Variants in MYLIP observed in about 807,000 individuals in gnomAD.
MYLIP encodes E3 ubiquitin-protein ligase MYLIP.
MYLIP carries 26 observed loss-of-function variants against 45.8 expected under a neutral mutation model. That is an observed-to-expected ratio of 0.57 (90% CI 0.42 to 0.79). The LOEUF is 0.79. MYLIP is among the 30% of genes least tolerant of loss of function. The pLI, the probability that MYLIP is intolerant of heterozygous loss-of-function variation, is 0.00. For synonymous variants in MYLIP, 213 were observed against 218.1 expected (o/e 0.98, Z 0.21); for missense variants, 494 against 555.6 (o/e 0.89, Z 1.11).
chr6:16,135,755 CTA>C (rs10593630), intron 2 of MYLIP, among the ~76,000 whole-genome samples: 17,699 of 125,130 alleles, frequency 0.14, 1,307 homozygotes, highest in Middle Eastern at 0.24. Flanking sequence ...ATACATATAT[CTA>C]TATATATATA....
intron 2 of MYLIP, among the ~76,000 whole-genome samples, chr6:16,130,958 C>T (rs907794915): frequency 2.8e-5 from 4 of 142,744 alleles, no homozygotes; most frequent in Non-Finnish European, 4.5e-5. Context: ...TTTAGTTTTT[C>T]TTGTCTTTAT....
At position 16,148,018 on chromosome 6, in the gene MYLIP, A is replaced by G. The variant is rs1181131435; in HGVS notation, c.*1267A>G. 1.3e-5 allele frequency: 2 copies of G among 152,724 alleles called. No individual in the cohort carries two copies. The highest frequency in any genetic ancestry group is 1.5e-5 in the Non-Finnish European group (1 of 68,020). The allele number at this position is 152,724 out of a possible 1,614,324, so 9.5% of individuals were successfully genotyped here. On this transcript the variant is annotated 3_prime_UTR_variant, in exon 7 of 7. Coordinates refer to ENST00000356840, the MANE Select transcript of MYLIP (RefSeq NM_013262.4). ...ACTGAGATTTCTGAGTATACTTTTCATATTGCCTTAATGTAGCAGTAATGT... is the reference window on the plus strand; with the variant it reads ...ACTGAGATTTCTGAGTATACTTTTCGTATTGCCTTAATGTAGCAGTAATGT...
chr6:16,134,863 G>A (rs372779504), intron 2 of MYLIP, among the ~76,000 whole-genome samples: 1 of 152,164 alleles, frequency 6.6e-6, no homozygotes, highest in Non-Finnish European at 1.5e-5. Context: ...GCCAAGGAAC[G>A]CCTGTCTGGG....
chr6:16,135,700 T>A (rs975791334), intron 2 of MYLIP, among the ~76,000 whole-genome samples: 1 of 149,308 alleles, frequency 6.7e-6, no homozygotes, highest in African/African-American at 2.5e-5. Flanking sequence ...GGAGATTTTT[T>A]ACAGGGAACA....
chr6:16,154,597 G>C, the MYLIP span, among the ~76,000 whole-genome samples: 1 of 152,144 alleles, frequency 6.6e-6, no homozygotes, highest in African/African-American at 2.4e-5. Flanking sequence ...CACATGGCCC[G>C]GGATGCTCCA....
At chr6:16,154,799 C>T in the MYLIP span, among the ~76,000 whole-genome samples, 2 of 152,154 alleles carry the variant, frequency 1.3e-5, no homozygotes, top group Admixed American at 6.5e-5. Flanking sequence ...TCTTAGGCTT[C>T]CCCCTTTGCA....
In MYLIP at chr6:16,129,996, A is replaced by AGT. The variant is rs1759424810; in HGVS notation, c.88-559_88-558dup. 6.6e-6 allele frequency among the ~76,000 whole-genome samples: 1 copy of AGT among 152,208 alleles called. No homozygotes were observed. Among genetic ancestry groups the AGT allele is most frequent in the Non-Finnish European group, 1.5e-5 (1 of 68,028 alleles). On this transcript the variant is annotated intron_variant, in intron 1 of 6. Coordinates refer to ENST00000356840, the MANE Select transcript of MYLIP (RefSeq NM_013262.4). The surrounding 1 kb of genome is among the most constrained non-coding windows in gnomAD (Gnocchi z 5.1). Reference sequence around the variant, plus strand: ...GTTTTTAAGCATGTGTTTCCTTAACAGTGAGGGAGATCGGTGCCAAATAGT... The same window carrying AGT: ...GTTTTTAAGCATGTGTTTCCTTAACAGTGTGAGGGAGATCGGTGCCAAATAGT...
Position 16,129,367 on chromosome 6 carries a change from G to T in MYLIP, c.45G>T (p.Val15=), listed in dbSNP as rs1351924367. Residue 15 remains valine, a synonymous_variant, in exon 1 of 7, where the codon GTG becomes GTT. Coordinates refer to ENST00000356840, the MANE Select transcript of MYLIP (RefSeq NM_013262.4). The surrounding 1 kb of genome is among the most constrained non-coding windows in gnomAD (Gnocchi z 5.1). ...VTRPDAVLME[V]EVEAKANGED... ...GGCCGGACGCGGTGCTGATGGAGGT[G>T]GAGGTGGAGGCGAAAGCCAACGGCG... 1 of 1,594,596 alleles carries T rather than the reference G, an allele frequency of 6.3e-7. No individual in the cohort carries two copies. Among genetic ancestry groups the T allele is most frequent in the Non-Finnish European group, 8.5e-7 (1 of 1,170,938 alleles).
rs768580884 is a variant in MYLIP, at chr6:16,129,386, A to G, written c.64A>G (p.Asn22Asp). Residue 22 changes from asparagine (N) to aspartate (D), a missense_variant, in exon 1 of 7, where the codon AAC becomes GAC. Coordinates refer to ENST00000356840, the MANE Select transcript of MYLIP (RefSeq NM_013262.4). The surrounding 1 kb of genome is among the most constrained non-coding windows in gnomAD (Gnocchi z 5.1). ...GGAGGTGGAGGTGGAGGCGAAAGCC[A>G]ACGGCGAGGACTGCCTCAACCAGGT... ...LMEVEVEAKA[N>D]GEDCLNQVCR... The G allele has an allele frequency of 1.3e-6, 2 of 1,592,744 alleles. No homozygotes were observed. The highest frequency in any genetic ancestry group is 1.7e-6 in the Non-Finnish European group (2 of 1,169,948).
chr6:16,157,405 TA>T, the MYLIP span, among the ~76,000 whole-genome samples: 2 of 152,276 alleles, frequency 1.3e-5, no homozygotes, highest in African/African-American at 4.8e-5. Context: ...CATTTATCAC[TA>T]TCTGGCTTAC....
chr6:16,136,250 C>G (rs955360967), intron 2 of MYLIP, among the ~76,000 whole-genome samples: 1 of 151,682 alleles, frequency 6.6e-6, no homozygotes, highest in African/African-American at 2.4e-5. Flanking sequence ...CCACCCCCAC[C>G]CACCGCACAC....
chr6:16,129,205 C>T lies in MYLIP; in HGVS notation c.-118C>T. On this transcript the variant is annotated 5_prime_UTR_variant, in exon 1 of 7. Coordinates refer to ENST00000356840, the MANE Select transcript of MYLIP (RefSeq NM_013262.4). This position sits in a 1 kb window ranked among gnomAD's most constrained non-coding sequence, Gnocchi z 5.1. ...GGGCCCCGGACAAGGGTCCGCAGAG[C>T]TGCAGCCTTCGAGGGCCAGCCCTCT... The T allele has an allele frequency of 2.8e-6, 3 of 1,084,144 alleles. No individual in the cohort carries two copies. The highest frequency in any genetic ancestry group is 2.1e-5 in the Admixed American group (1 of 47,348). The allele number at this position is 1,084,144 out of a possible 1,614,324, so 67.2% of individuals were successfully genotyped here.
rs754235257 is a variant in MYLIP, at chr6:16,145,299, C to T, written c.1230C>T (p.Ser410=). 9 of 1,591,656 alleles carry T rather than the reference C, an allele frequency of 5.7e-6. No homozygotes were observed. Among genetic ancestry groups the T allele is most frequent in the Non-Finnish European group, 6.9e-6 (8 of 1,164,486 alleles). Reference sequence around the variant, plus strand: ...GTGGCCACACTGTGTGCTGTGAGAGCTGCGCCGCCCAGCTACAGGTAGGGG... The same window carrying T: ...GTGGCCACACTGTGTGCTGTGAGAGTTGCGCCGCCCAGCTACAGGTAGGGG... The part of the protein sequence containing the change: ...CPCGHTVCCE[S]CAAQLQSCPV... The change falls in exon 6 of 7, where the codon AGC becomes AGT. Residue 410 remains serine, a synonymous_variant. Coordinates refer to ENST00000356840, the MANE Select transcript of MYLIP (RefSeq NM_013262.4).
Position 16,143,199 on chromosome 6 carries a change from A to C in MYLIP, c.644A>C (p.Asp215Ala). Reference sequence around the variant, plus strand: ...GAAGGAATCTCAATTTGTAAAGATGACTTTAGCCCAATTAATAGGTAAGCC... The same window carrying C: ...GAAGGAATCTCAATTTGTAAAGATGCCTTTAGCCCAATTAATAGGTAAGCC... ...GPEGISICKD[D>A]FSPINRIAYP... is the part of the protein sequence containing the mutation. Residue 215 changes from aspartate to alanine, a missense_variant, in exon 4 of 7, where the codon GAC becomes GCC. Coordinates refer to ENST00000356840, the MANE Select transcript of MYLIP (RefSeq NM_013262.4). 3 of 1,614,232 alleles carry C rather than the reference A, an allele frequency of 1.9e-6. No individual in the cohort carries two copies. The highest frequency in any genetic ancestry group is 2.5e-6 in the Non-Finnish European group (3 of 1,180,040).
Position 16,146,669 on chromosome 6 carries a change from C to G in MYLIP, c.1256C>G (p.Pro419Arg). 1 of 1,609,440 alleles carries G rather than the reference C, an allele frequency of 6.2e-7. No individual in the cohort carries two copies. The highest frequency in any genetic ancestry group is 8.5e-7 in the Non-Finnish European group (1 of 1,177,314). The change falls in exon 7 of 7, where the codon CCC (proline) becomes CGC (arginine). Residue 419 changes from proline (P) to arginine (R), a missense_variant. Transcript: ENST00000356840. ...ESCAAQLQSC[P>R]VCRSRVEHVQ... ...TTGGCTTTTCTTTCCCAGTCATGTC[C>G]CGTCTGCAGGTCGCGTGTGGAGCAT...
rs780255497 is a variant in MYLIP, at chr6:16,138,271, GA to G, written c.279-3353del. Reference sequence around the variant, plus strand: ...CATTCACTGCAGGCATAACTTATTTGACCACATCTGCTTGTTTTGATATTAT... The same window carrying G: ...CATTCACTGCAGGCATAACTTATTTGCCACATCTGCTTGTTTTGATATTAT... On this transcript the variant is annotated intron_variant, in intron 2 of 6. Coordinates refer to ENST00000356840, the MANE Select transcript of MYLIP (RefSeq NM_013262.4). Among the ~76,000 whole-genome samples, 205 of 151,430 alleles carry G rather than the reference GA, an allele frequency of 1.4e-3. 2 individuals are homozygous for G. The Middle Eastern group carries it at 0.014, about 10-fold the overall frequency.
intron 2 of MYLIP, among the ~76,000 whole-genome samples, chr6:16,137,295 CTG>C (rs1463058437): frequency 3.3e-5 from 5 of 152,112 alleles, no homozygotes; most frequent in Admixed American, 2.6e-4. Flanking sequence ...TTAAAATAAA[CTG>C]TGGTTAAGTG....
chr6:16,163,432 A>C, the MYLIP span: 1 of 152,272 alleles, frequency 6.6e-6, no homozygotes, highest in African/African-American at 2.4e-5. Context: ...TAATTCAACC[A>C]ATAAAAATAA....
Position 16,129,346 on chromosome 6 carries a change from G to C in MYLIP, c.24G>C (p.Pro8=), listed in dbSNP as rs777493967. Reference sequence around the variant, plus strand: ...CCATGCTGTGTTATGTGACGAGGCCGGACGCGGTGCTGATGGAGGTGGAGG... The same window carrying C: ...CCATGCTGTGTTATGTGACGAGGCCCGACGCGGTGCTGATGGAGGTGGAGG... MLCYVTR[P]DAVLMEVEVE... is the part of the protein sequence containing the mutation. Residue 8 remains proline (P), a synonymous_variant, in exon 1 of 7, where the codon CCG becomes CCC. Transcript: ENST00000356840. This position sits in a 1 kb window ranked among gnomAD's most constrained non-coding sequence, Gnocchi z 5.1. The C allele has an allele frequency of 1.3e-6, 2 of 1,585,650 alleles. No homozygotes were observed. Among genetic ancestry groups the C allele is most frequent in the Non-Finnish European group, 1.7e-6 (2 of 1,166,348 alleles).
Sources: allele counts gnomAD v4.1 joint callset (sites outside exome capture counted in the v4.1 genomes callset), GRCh38; gene constraint gnomAD v4.1.1; non-coding constraint Gnocchi (gnomAD v3.1); transcripts MANE v1.5; gene names NCBI Gene and HGNC (gene_info 2026-07-23, HGNC 2026-07-21).